Variants in WASF3 observed in about 807,000 individuals in gnomAD.
WASF3 encodes actin-binding protein WASF3.
A neutral mutation model predicts 46.6 loss-of-function variants in WASF3; 11 were observed. The ratio of observed to expected loss-of-function variants is 0.24; its 90% CI spans 0.15 to 0.39. The LOEUF (loss-of-function observed/expected upper bound fraction) is 0.39. Ranked by LOEUF, WASF3 falls within the 10% of genes least tolerant of loss-of-function variation. The pLI, the probability that WASF3 is intolerant of heterozygous loss-of-function variation, is 1.00. For missense variants in WASF3, 576 were observed against 669.8 expected (o/e 0.86, Z 1.55); for synonymous variants, 242 against 259.7 (o/e 0.93, Z 0.65).
rs368896945 is a variant in WASF3 at position 26,666,726 on chromosome 13, G to A, written c.269-791G>A. On this transcript the variant is annotated intron_variant, in intron 4 of 9. Transcript: ENST00000335327. ...CATCCTGGCTAACATGGTGAAACCC[G>A]GTCTCTACTAAAAATACAAAAAATT... Among the ~76,000 whole-genome samples, 70 of 151,850 alleles carry A rather than the reference G, an allele frequency of 4.6e-4. No individual in the cohort carries two copies. The East Asian group carries it at 0.013, about 27-fold the overall frequency.
Position 26,687,838 on chromosome 13 carries a change from C to T in WASF3, c.*1993C>T, listed in dbSNP as rs1182766135. ...TCTTGTTGCTTTTGTATTAGGAGTT[C>T]CCCGTGTGGGTCTAGAACTCCCCTT... On this transcript the variant is annotated 3_prime_UTR_variant, in exon 10 of 10. Transcript: ENST00000335327. 6.6e-6 allele frequency: 1 copy of T among 151,294 alleles called. No homozygotes were observed. Among genetic ancestry groups the T allele is most frequent in the Admixed American group, 6.6e-5 (1 of 15,140 alleles). 9.4% of individuals were successfully genotyped at this position (151,294 alleles called of 1,614,324 possible).
intron 1 of WASF3, among the ~76,000 whole-genome samples, chr13:26,578,719 C>T (rs142074784): frequency 2.4e-4 from 36 of 152,252 alleles, no homozygotes; most frequent in Admixed American, 2.1e-3. Flanking sequence ...GTTTGGCACT[C>T]TAACCTCTCT....
At chr13:26,582,737 A>C (rs1435567645) in intron 1 of WASF3, among the ~76,000 whole-genome samples, 1 of 150,718 alleles carries the variant, frequency 6.6e-6, no homozygotes, top group Non-Finnish European at 1.5e-5. Context: ...AGTATACTTA[A>C]GTAAGAGAAT....
At chr13:26,543,824 C>T in the WASF3 span, among the ~76,000 whole-genome samples, 5 of 152,260 alleles carry the variant, frequency 3.3e-5, no homozygotes, top group East Asian at 3.9e-4. Context: ...CATTGGCAAT[C>T]GAGTGGAAAA....
chr13:26,548,524 G>A, the WASF3 span, among the ~76,000 whole-genome samples: 1 of 152,104 alleles, frequency 6.6e-6, no homozygotes, highest in African/African-American at 2.4e-5. Context: ...ATGCATGACA[G>A]AAATCTTCAC....
chr13:26,558,204 G>T (rs1285018709), intron 1 of WASF3, among the ~76,000 whole-genome samples: 1 of 151,738 alleles, frequency 6.6e-6, no homozygotes, highest in African/African-American at 2.4e-5. Context: ...CCCCACGCAC[G>T]ACGCCCCGGG....
At chr13:26,550,658 A>G in the WASF3 span, among the ~76,000 whole-genome samples, 3 of 152,158 alleles carry the variant, frequency 2.0e-5, no homozygotes, top group African/African-American at 7.2e-5. Flanking sequence ...AGGTAAGTGG[A>G]CAATAAGTGG....
At chr13:26,568,026 C>T (rs73166015) in intron 1 of WASF3, among the ~76,000 whole-genome samples, 2,673 of 151,458 alleles carry the variant, frequency 0.018, 37 homozygotes, top group Middle Eastern at 0.041. Context: ...CTTGAGATAC[C>T]GAGTAGCAGC....
intron 1 of WASF3, among the ~76,000 whole-genome samples, chr13:26,611,762 A>G (rs1307286187): frequency 6.6e-6 from 1 of 152,190 alleles, no homozygotes; most frequent in Non-Finnish European, 1.5e-5. Context: ...GAAGAGAAGA[A>G]AATTGTGTGC....
intron 1 of WASF3, among the ~76,000 whole-genome samples, chr13:26,608,716 A>G (rs1005875527): frequency 1.3e-5 from 2 of 152,188 alleles, no homozygotes; most frequent in African/African-American, 4.8e-5. Context: ...TCAGGTAGTC[A>G]ACCTGAGAGA....
intron 1 of WASF3, among the ~76,000 whole-genome samples, chr13:26,569,601 T>G (rs766055741): frequency 9.9e-5 from 15 of 152,120 alleles, no homozygotes; most frequent in Admixed American, 2.6e-4. Flanking sequence ...ATGCATGTGT[T>G]AGGAAAGAAG....
the WASF3 span, among the ~76,000 whole-genome samples, chr13:26,541,288 G>T: frequency 6.6e-6 from 1 of 152,136 alleles, no homozygotes; most frequent in Non-Finnish European, 1.5e-5. Context: ...CGAGGGCAGG[G>T]AAAGGCGGAA....
intron 1 of WASF3, among the ~76,000 whole-genome samples, chr13:26,573,459 A>C (rs186040618): frequency 1.6e-3 from 240 of 152,056 alleles, no homozygotes; most frequent in African/African-American, 5.7e-3. Flanking sequence ...GAAGCTTTTT[A>C]ATTTGATGCA....
chr13:26,577,198 C>A, intron 1 of WASF3: 1 of 744,578 alleles, frequency 1.3e-6, no homozygotes. Flanking sequence ...ATGGATCTTA[C>A]CTGTGACAAA....
chr13:26,591,353 G>C (rs920358771), intron 1 of WASF3, among the ~76,000 whole-genome samples: 1 of 152,136 alleles, frequency 6.6e-6, no homozygotes, highest in African/African-American at 2.4e-5. Flanking sequence ...CAGTCTGTTG[G>C]GGAACAGAGA....
At chr13:26,625,527 C>T (rs1881438947) in intron 2 of WASF3, among the ~76,000 whole-genome samples, 1 of 152,012 alleles carries the variant, frequency 6.6e-6, no homozygotes, top group South Asian at 2.1e-4. Context: ...GATGGATGTC[C>T]CAACTTAAGA....
intron 1 of WASF3, among the ~76,000 whole-genome samples, chr13:26,581,077 T>C (rs1304291072): frequency 6.6e-6 from 1 of 151,970 alleles, no homozygotes; most frequent in African/African-American, 2.4e-5. Flanking sequence ...ATTACAGGCA[T>C]GTACCACCAT....
chr13:26,668,632 A>G (rs1405674074), intron 5 of WASF3, among the ~76,000 whole-genome samples: 6 of 152,196 alleles, frequency 3.9e-5, no homozygotes, highest in Non-Finnish European at 8.8e-5. Flanking sequence ...GTCCTTTCTC[A>G]GGGTCCACAG....
At chr13:26,557,018 G>C (rs951761484), upstream of WASF3, among the ~76,000 whole-genome samples, 23 of 151,960 alleles carry the variant, frequency 1.5e-4, no homozygotes, top group Middle Eastern at 3.4e-3. Context: ...TCAGTCATCT[G>C]GTCGCACGTG....
Sources: gnomAD v4.1 joint callset for allele counts (sites outside exome capture counted in the v4.1 genomes callset) on GRCh38, gnomAD v4.1.1 for gene constraint, MANE v1.5 for transcripts, NCBI Gene and HGNC (gene_info 2026-07-23, HGNC 2026-07-21) for gene names.